The following C1QTNF7 variants were observed in gnomAD, a reference collection of about 807,000 sequenced individuals.
C1QTNF7 encodes the protein complement C1q tumor necrosis factor-related protein 7.
C1QTNF7 carries 15 observed loss-of-function variants against 19.6 expected under a neutral mutation model. The ratio of observed to expected loss-of-function variants is 0.76; its 90% CI spans 0.51 to 1.18. C1QTNF7 has a LOEUF of 1.18. Ranked by LOEUF, C1QTNF7 falls within the 50% of genes most tolerant of loss-of-function variation. The pLI is 0.00. For missense variants in C1QTNF7, 324 were observed against 359.7 expected (o/e 0.90, Z 0.80); for synonymous variants, 142 against 137.5 (o/e 1.03, Z -0.23).
At chr4:15,414,019 C>T (rs1328588231) in intron 1 of C1QTNF7, among the ~76,000 whole-genome samples, 1 of 152,156 alleles carries the variant, frequency 6.6e-6, no homozygotes, top group African/African-American at 2.4e-5. Context: ...GTATAATGGG[C>T]ACTATCTTTT....
intron 1 of C1QTNF7, among the ~76,000 whole-genome samples, chr4:15,418,369 C>A (rs1711544950): frequency 6.6e-6 from 1 of 152,152 alleles, no homozygotes; most frequent in Non-Finnish European, 1.5e-5. Context: ...AATGACTTGA[C>A]CCCTACTATT....
chr4:15,395,797 T>C (rs996998936), intron 1 of C1QTNF7, among the ~76,000 whole-genome samples: 7 of 152,280 alleles, frequency 4.6e-5, no homozygotes, highest in Middle Eastern at 3.4e-3. Flanking sequence ...CACATATTAG[T>C]ATCACCATTT....
intron 1 of C1QTNF7, among the ~76,000 whole-genome samples, chr4:15,407,214 A>C (rs1055036227): frequency 6.6e-6 from 1 of 152,202 alleles, no homozygotes; most frequent in Non-Finnish European, 1.5e-5. Flanking sequence ...CAGCCCAGAC[A>C]GCCCTTAACT....
At chr4:15,377,600 C>G (rs2108888161) in intron 1 of C1QTNF7, among the ~76,000 whole-genome samples, 1 of 152,082 alleles carries the variant, frequency 6.6e-6, no homozygotes, top group Admixed American at 6.5e-5. Context: ...ACTATAGTGC[C>G]CAGACAGATA....
In C1QTNF7 at chr4:15,442,951, C is replaced by A; in HGVS notation, c.*152C>A. ...GAATTTATCAAAACAAGATGAAACA[C>A]AGAAAAGTTGAAACCACAACAAAAT... is the stretch of plus-strand genomic sequence containing the variant. On this transcript the variant is annotated 3_prime_UTR_variant, in exon 3 of 3. Coordinates refer to ENST00000444304, the MANE Select transcript of C1QTNF7 (RefSeq NM_031911.5). The A allele has an allele frequency of 2.6e-6, 2 of 777,372 alleles. No individual in the cohort carries two copies. The highest frequency in any genetic ancestry group is 3.8e-6 in the Non-Finnish European group (2 of 527,930). 48.2% of individuals were successfully genotyped at this position (777,372 alleles called of 1,614,324 possible).
At chr4:15,414,778 T>A (rs1442412458) in intron 1 of C1QTNF7, among the ~76,000 whole-genome samples, 1 of 152,040 alleles carries the variant, frequency 6.6e-6, no homozygotes, top group Non-Finnish European at 1.5e-5. Context: ...GATTCTAGAG[T>A]TGTTCTATTT....
rs187950392 is a variant in C1QTNF7 at position 15,363,348 on chromosome 4, T to C, written c.13+23141T>C. 1.1e-4 allele frequency among the ~76,000 whole-genome samples: 17 copies of C among 152,268 alleles called. No individual in the cohort carries two copies. In the East Asian group the frequency reaches 3.1e-3, roughly 28 times the overall value. On this transcript the variant is annotated intron_variant, in intron 1 of 2. Coordinates refer to the C1QTNF7 transcript ENST00000295297. ...TTATTCAAGTAGAACGAAAACTTTG[T>C]GGTCATAAGAGACCTAGGTTTATTC...
chr4:15,422,922 T>C (rs1342085267), intron 1 of C1QTNF7, among the ~76,000 whole-genome samples: 1 of 152,172 alleles, frequency 6.6e-6, no homozygotes, highest in Non-Finnish European at 1.5e-5. Context: ...TTTCTATAAG[T>C]TTTTAAGTTT....
At chr4:15,374,863 C>T (rs1717871539) in intron 1 of C1QTNF7, 1 of 603,418 alleles carries the variant, frequency 1.7e-6, no homozygotes. Context: ...TTCTCTCTCT[C>T]TCTCTCTCTT....
intron 1 of C1QTNF7, among the ~76,000 whole-genome samples, chr4:15,390,956 C>G (rs1201932055): frequency 6.6e-6 from 1 of 152,122 alleles, no homozygotes; most frequent in African/African-American, 2.4e-5. Flanking sequence ...GACAGTCTAT[C>G]TGGGGACTCC....
exon 1 of C1QTNF7, chr4:15,340,047 T>A (rs1716485100): frequency 1.0e-6 from 1 of 973,542 alleles, no homozygotes; most frequent in African/African-American, 1.6e-5. Context: ...AGCACTTTAT[T>A]TTTCATCAAG....
At chr4:15,410,634 T>C (rs1270982327) in intron 1 of C1QTNF7, among the ~76,000 whole-genome samples, 1 of 152,234 alleles carries the variant, frequency 6.6e-6, no homozygotes, top group Non-Finnish European at 1.5e-5. Context: ...TGAACATTTT[T>C]ATTGAATTCA....
intron 1 of C1QTNF7, among the ~76,000 whole-genome samples, chr4:15,378,553 GATTA>G (rs767578585): frequency 7.2e-5 from 11 of 152,264 alleles, no homozygotes; most frequent in Non-Finnish European, 1.3e-4. Context: ...AGTGAATGAA[GATTA>G]ATTAACAATT....
rs1712986706 is a variant in C1QTNF7, at chr4:15,446,006, A to T, written c.*3207A>T. 1 of 152,194 alleles carries T rather than the reference A, an allele frequency of 6.6e-6. No homozygotes were observed. Among genetic ancestry groups the T allele is most frequent in the African/African-American group, 2.4e-5 (1 of 41,460 alleles). 9.4% of individuals were successfully genotyped at this position (152,194 alleles called of 1,614,324 possible). A position where few individuals can be genotyped will look rare whatever the true frequency, so the allele number is the denominator to read the frequency against. On this transcript the variant is annotated 3_prime_UTR_variant, in exon 3 of 3. Coordinates refer to ENST00000444304, the MANE Select transcript of C1QTNF7 (RefSeq NM_031911.5). Reference sequence around the variant, plus strand: ...CTGTGTTACACATTTTCAGGCCACAAATGTTTCTTTGTGCCCCTGCATGCA... The same window carrying T: ...CTGTGTTACACATTTTCAGGCCACATATGTTTCTTTGTGCCCCTGCATGCA...
At chr4:15,415,866 A>G (rs1032016815) in intron 1 of C1QTNF7, among the ~76,000 whole-genome samples, 1 of 152,176 alleles carries the variant, frequency 6.6e-6, no homozygotes, top group African/African-American at 2.4e-5. Flanking sequence ...ATTAAATGTT[A>G]TTTTAGTACA....
chr4:15,370,526 C>T (rs1350078819), intron 1 of C1QTNF7, among the ~76,000 whole-genome samples: 1 of 152,126 alleles, frequency 6.6e-6, no homozygotes, highest in African/African-American at 2.4e-5. Flanking sequence ...GTCTCTGTTC[C>T]CTCAGAGAGA....
intron 1 of C1QTNF7, among the ~76,000 whole-genome samples, chr4:15,350,591 T>G (rs1485208712): frequency 1.3e-5 from 2 of 152,164 alleles, no homozygotes; most frequent in Non-Finnish European, 2.9e-5. Context: ...ACATAGAAAT[T>G]TAACCATCAC....
chr4:15,411,867 G>A (rs1270965636), intron 1 of C1QTNF7, among the ~76,000 whole-genome samples: 3 of 152,058 alleles, frequency 2.0e-5, no homozygotes, highest in African/African-American at 7.3e-5. Context: ...TCTAGAGCAG[G>A]AGTCCCCAGT....
intron 1 of C1QTNF7, among the ~76,000 whole-genome samples, chr4:15,386,474 A>T (rs1466719446): frequency 1.3e-5 from 2 of 152,122 alleles, no homozygotes; most frequent in Admixed American, 1.3e-4. Flanking sequence ...CGTGGAGCTT[A>T]TATTTTATGG....
Sources: gnomAD v4.1 joint callset for allele counts (sites outside exome capture counted in the v4.1 genomes callset) on GRCh38, gnomAD v4.1.1 for gene constraint, MANE v1.5 for transcripts, NCBI Gene and HGNC (gene_info 2026-07-23, HGNC 2026-07-21) for gene names.